Variants in ZFAND3 observed in about 807,000 individuals in gnomAD.
ZFAND3 encodes AN1-type zinc finger protein 3.
A neutral mutation model predicts 29.6 loss-of-function variants in ZFAND3; 10 were observed. The ratio of observed to expected loss-of-function variants is 0.34; its 90% CI spans 0.21 to 0.57. The LOEUF (loss-of-function observed/expected upper bound fraction) is 0.57. ZFAND3 is among the 20% of genes least tolerant of loss of function. The probability of loss-of-function intolerance (pLI) is 0.86; values close to 1 mark genes in which losing one functional copy is unlikely to be tolerated. For missense variants in ZFAND3, 230 were observed against 304.5 expected (o/e 0.76, Z 1.82); for synonymous variants, 128 against 112.6 (o/e 1.14, Z -0.87).
intron 3 of ZFAND3, among the ~76,000 whole-genome samples, chr6:38,077,659 A>G (rs941957249): frequency 2.0e-5 from 3 of 152,218 alleles, no homozygotes; most frequent in Non-Finnish European, 4.4e-5. Flanking sequence ...AACTGCAGCA[A>G]GTGAGGGCTA....
intron 2 of ZFAND3, among the ~76,000 whole-genome samples, chr6:37,965,191 T>C (rs1425509249): frequency 6.6e-6 from 1 of 152,232 alleles, no homozygotes; most frequent in African/African-American, 2.4e-5. Context: ...AAACTTATTC[T>C]GTCAAGTTAT....
At chr6:37,831,789 A>G (rs1763866670) in intron 1 of ZFAND3, among the ~76,000 whole-genome samples, 1 of 152,166 alleles carries the variant, frequency 6.6e-6, no homozygotes, top group Admixed American at 6.5e-5. Context: ...ACACAAGTCC[A>G]TATGTTAGCT....
rs757722161 is a variant in ZFAND3 at position 38,153,145 on chromosome 6, C to T, written c.*756C>T. The T allele has an allele frequency of 2.1e-4, 209 of 985,524 alleles. No individual in the cohort carries two copies. The Middle Eastern group carries it at 2.6e-3, about 12-fold the overall frequency. The allele number at this position is 985,524 out of a possible 1,614,324, so 61.0% of individuals were successfully genotyped here. A position where few individuals can be genotyped will look rare whatever the true frequency, so the allele number is the denominator to read the frequency against. On this transcript the variant is annotated 3_prime_UTR_variant, in exon 6 of 6. Coordinates refer to ENST00000287218, the MANE Select transcript of ZFAND3 (RefSeq NM_021943.3). ...AGCAGCCAGAGTGCCCCGCCTCCGC[C>T]GGCTCTGGTCTGCCATTCGCCAGTG...
chr6:37,893,056 CGCAT>C (rs1329848869), intron 1 of ZFAND3, among the ~76,000 whole-genome samples: 2 of 152,138 alleles, frequency 1.3e-5, no homozygotes, highest in African/African-American at 4.8e-5. Flanking sequence ...CACACACACA[CGCAT>C]GCACACACAC....
intron 2 of ZFAND3, among the ~76,000 whole-genome samples, chr6:38,037,767 G>A (rs1385114791): frequency 1.3e-5 from 2 of 152,180 alleles, no homozygotes; most frequent in Non-Finnish European, 2.9e-5. Flanking sequence ...ATGAAAGGCG[G>A]GCGTGTAGGT....
intron 2 of ZFAND3, among the ~76,000 whole-genome samples, chr6:37,993,589 A>G (rs1762798300): frequency 6.6e-6 from 1 of 152,108 alleles, no homozygotes. Context: ...GGCCTCCCAA[A>G]GTGTTGGGAT....
intron 2 of ZFAND3, among the ~76,000 whole-genome samples, chr6:37,956,379 T>C (rs991880978): frequency 3.9e-5 from 6 of 152,154 alleles, no homozygotes; most frequent in Admixed American, 3.9e-4. Context: ...TGAGAACCAG[T>C]GGCTTATGGA....
chr6:37,866,666 T>C (rs939002234), intron 1 of ZFAND3, among the ~76,000 whole-genome samples: 19 of 152,196 alleles, frequency 1.2e-4, no homozygotes, highest in Non-Finnish European at 2.2e-4. Context: ...AAAAGACATT[T>C]TGAGTGTAGA....
chr6:38,023,603 T>A (rs1581847211), intron 2 of ZFAND3, among the ~76,000 whole-genome samples: 1 of 152,180 alleles, frequency 6.6e-6, no homozygotes, highest in South Asian at 2.1e-4. Context: ...GTAATCTGAC[T>A]TTTTGGCATA....
At chr6:38,102,559 C>G (rs530408218) in intron 4 of ZFAND3, among the ~76,000 whole-genome samples, 1 of 152,208 alleles carries the variant, frequency 6.6e-6, no homozygotes, top group South Asian at 2.1e-4. Flanking sequence ...CAGCATTATT[C>G]GAAGACTTCT....
At chr6:38,085,093 A>G (rs1339421066) in intron 4 of ZFAND3, among the ~76,000 whole-genome samples, 1 of 152,158 alleles carries the variant, frequency 6.6e-6, no homozygotes, top group Non-Finnish European at 1.5e-5. Context: ...TGGGGATTTC[A>G]ATCATTTTTC....
chr6:38,012,529 C>A (rs923257328), intron 2 of ZFAND3, among the ~76,000 whole-genome samples: 1 of 152,016 alleles, frequency 6.6e-6, no homozygotes, highest in Non-Finnish European at 1.5e-5. Context: ...CAGGTGCGTG[C>A]CACCACGCCT....
intron 2 of ZFAND3, among the ~76,000 whole-genome samples, chr6:37,955,453 G>A (rs543999109): frequency 1.3e-5 from 2 of 152,270 alleles, no homozygotes; most frequent in East Asian, 3.9e-4. Context: ...TGATATATGT[G>A]CCATTCATTT....
At chr6:37,838,476 C>T (rs1764010614) in intron 1 of ZFAND3, among the ~76,000 whole-genome samples, 1 of 152,138 alleles carries the variant, frequency 6.6e-6, no homozygotes, top group Non-Finnish European at 1.5e-5. Flanking sequence ...ATCTCATATC[C>T]AATAGCAGTC....
chr6:38,122,248 G>A (rs1765549395), intron 5 of ZFAND3, among the ~76,000 whole-genome samples: 2 of 152,096 alleles, frequency 1.3e-5, no homozygotes, highest in African/African-American at 2.4e-5. Context: ...CATAACCTAC[G>A]TACATCCTCT....
chr6:38,096,226 G>A (rs973749346), intron 4 of ZFAND3, among the ~76,000 whole-genome samples: 1 of 151,172 alleles, frequency 6.6e-6, no homozygotes, highest in Non-Finnish European at 1.5e-5. Context: ...AGGCTGGAGT[G>A]CAGTGGTGTG....
intron 2 of ZFAND3, among the ~76,000 whole-genome samples, chr6:38,047,972 TG>T (rs965743006): frequency 6.9e-5 from 9 of 130,430 alleles, no homozygotes; most frequent in African/African-American, 2.2e-4. Flanking sequence ...GGGTTTTTTT[TG>T]TTTTTTTTTT....
At position 38,080,321 on chromosome 6, in the gene ZFAND3, A is replaced by T. The variant is rs999122361; in HGVS notation, c.296-2071A>T. Among the ~76,000 whole-genome samples the T allele has an allele frequency of 7.3e-5, 11 of 151,486 alleles. 1 individual carries two copies. The highest frequency in any genetic ancestry group is 3.3e-4 in the Admixed American group (5 of 15,206). On this transcript the variant is annotated intron_variant, in intron 3 of 5. Coordinates refer to ENST00000287218, the MANE Select transcript of ZFAND3 (RefSeq NM_021943.3). The stretch of plus-strand genomic sequence containing the variant: ...AAAGTATAATATATATATATATATT[A>T]AAATATATAATCTGTTACTCTTCTG...
chr6:38,099,254 A>C (rs1765044882), intron 4 of ZFAND3, among the ~76,000 whole-genome samples: 1 of 152,208 alleles, frequency 6.6e-6, no homozygotes, highest in Non-Finnish European at 1.5e-5. Context: ...TTATGATTAA[A>C]AATCAGACAG....
Sources: gnomAD v4.1 joint callset for allele counts (sites outside exome capture counted in the v4.1 genomes callset) on GRCh38, gnomAD v4.1.1 for gene constraint, MANE v1.5 for transcripts, NCBI Gene and HGNC (gene_info 2026-07-23, HGNC 2026-07-21) for gene names.